PTPRD: variants seen among roughly 807,000 people sequenced by gnomAD.
PTPRD encodes the protein receptor-type tyrosine-protein phosphatase delta.
Under a neutral mutation model 214.5 loss-of-function variants are expected in PTPRD, and 34 were observed. The observed-to-expected ratio is 0.16, with a 90% confidence interval of 0.12 to 0.21. The LOEUF is 0.21. Among genes scored for constraint, PTPRD ranks in the 10% least tolerant of loss-of-function variants. The pLI is 1.00. For synonymous variants in PTPRD, 1,128 were observed against 845.7 expected (o/e 1.33, Z -5.79); for missense variants, 2,545 against 2,398.7 (o/e 1.06, Z -1.27).
chr9:9,322,581 G>C (rs1220452196), intron 9 of PTPRD, among the ~76,000 whole-genome samples: 1 of 152,144 alleles, frequency 6.6e-6, no homozygotes, highest in Non-Finnish European at 1.5e-5. Context: ...TTATACAGCA[G>C]CAAATGTCTA....
intron 14 of PTPRD, among the ~76,000 whole-genome samples, chr9:8,587,635 G>C (rs952257874): frequency 1.3e-5 from 2 of 152,136 alleles, no homozygotes; most frequent in African/African-American, 2.4e-5. Flanking sequence ...CAGACTAAAA[G>C]TTCTCTTATA....
chr9:8,598,822 A>G (rs1180977568), intron 14 of PTPRD, among the ~76,000 whole-genome samples: 1 of 152,210 alleles, frequency 6.6e-6, no homozygotes, highest in Non-Finnish European at 1.5e-5. Flanking sequence ...TTATCAATCT[A>G]TGAGCCAAGT....
intron 2 of PTPRD, among the ~76,000 whole-genome samples, chr9:10,421,486 C>G (rs2098545426): frequency 6.6e-6 from 1 of 151,836 alleles, no homozygotes; most frequent in Non-Finnish European, 1.5e-5. Context: ...TAACAACTAA[C>G]AAATATAATA....
intron 10 of PTPRD, among the ~76,000 whole-genome samples, chr9:9,181,400 C>G (rs1303818054): frequency 6.6e-6 from 1 of 151,784 alleles, no homozygotes; most frequent in Non-Finnish European, 1.5e-5. Flanking sequence ...AGAAGGTGAA[C>G]TGCTAAAATA....
At chr9:10,012,119 A>T (rs1307216183) in intron 4 of PTPRD, among the ~76,000 whole-genome samples, 1 of 151,982 alleles carries the variant, frequency 6.6e-6, no homozygotes. Context: ...GATTTTTAAT[A>T]TTTATTTAAT....
rs558770023 is a variant in PTPRD at position 9,358,438 on chromosome 9, A to G, written c.-203+39011T>C. Among the ~76,000 whole-genome samples the G allele has an allele frequency of 5.3e-5, 8 of 151,452 alleles. No individual in the cohort carries two copies. The Middle Eastern group carries it at 0.01, about 193-fold the overall frequency. On this transcript the variant is annotated intron_variant, in intron 9 of 45. Transcript: ENST00000381196. ...ATGTATATCTATAATACTTTAATAA[A>G]TATTCCTGGAAACATTTTAGCCTTG...
At chr9:10,508,555 A>C (rs1188887438) in intron 2 of PTPRD, among the ~76,000 whole-genome samples, 1 of 152,240 alleles carries the variant, frequency 6.6e-6, no homozygotes, top group Non-Finnish European at 1.5e-5. Flanking sequence ...CCAAATGGCC[A>C]TCAATAATAG....
intron 5 of PTPRD, among the ~76,000 whole-genome samples, chr9:9,785,028 A>C (rs1452865963): frequency 1.3e-5 from 2 of 151,668 alleles, no homozygotes; most frequent in Non-Finnish European, 2.9e-5. Context: ...GGAAAAAAAA[A>C]ACTCTAGTCC....
intron 10 of PTPRD, among the ~76,000 whole-genome samples, chr9:9,042,703 C>T (rs1554671515): frequency 6.8e-6 from 1 of 147,542 alleles, no homozygotes; most frequent in Non-Finnish European, 1.5e-5. Flanking sequence ...CCTCTGGTGG[C>T]AGACATAATC....
chr9:9,604,798 CAT>C (rs906891132), intron 7 of PTPRD, among the ~76,000 whole-genome samples: 2 of 151,826 alleles, frequency 1.3e-5, no homozygotes, highest in African/African-American at 2.4e-5. Context: ...TTTTAAATCA[CAT>C]GTTTTGCCAT....
At chr9:9,178,170 A>G (rs2099926058) in intron 10 of PTPRD, among the ~76,000 whole-genome samples, 1 of 152,014 alleles carries the variant, frequency 6.6e-6, no homozygotes, top group Non-Finnish European at 1.5e-5. Context: ...TAGTTTAATC[A>G]GAGTGTGGCT....
chr9:10,047,349 T>TGTGTGC (rs2097425187), intron 3 of PTPRD, among the ~76,000 whole-genome samples: 2 of 150,506 alleles, frequency 1.3e-5, no homozygotes, highest in African/African-American at 4.9e-5. Context: ...CGTGTGTGTG[T>TGTGTGC]GTGCTTGTGT....
At chr9:10,030,717 C>G (rs1002937385) in intron 4 of PTPRD, among the ~76,000 whole-genome samples, 26 of 151,858 alleles carry the variant, frequency 1.7e-4, no homozygotes, top group African/African-American at 6.3e-4. Context: ...TTGAGAAAAT[C>G]TTGGTTTTGA....
chr9:9,133,942 T>C (rs57991196), intron 10 of PTPRD, among the ~76,000 whole-genome samples: 182 of 152,088 alleles, frequency 1.2e-3, no homozygotes, highest in African/African-American at 4.3e-3. Context: ...TTCCATACTC[T>C]AATAGATCTC....
At chr9:8,951,528 G>A (rs2099102207) in intron 11 of PTPRD, among the ~76,000 whole-genome samples, 1 of 151,788 alleles carries the variant, frequency 6.6e-6, no homozygotes, top group Non-Finnish European at 1.5e-5. Flanking sequence ...TTGTTACCTA[G>A]TAGCTGTTTT....
intron 11 of PTPRD, among the ~76,000 whole-genome samples, chr9:8,977,665 ATTT>A (rs34223430): frequency 2.3e-4 from 32 of 141,598 alleles, no homozygotes; most frequent in Non-Finnish European, 3.2e-4. Flanking sequence ...AACAAGGAGA[ATTT>A]TTTTTTTTTT....
chr9:10,136,580 C>CAAGAA (rs1258110235), intron 3 of PTPRD, among the ~76,000 whole-genome samples: 4 of 86,346 alleles, frequency 4.6e-5, no homozygotes, highest in East Asian at 7.7e-4. Context: ...AACGTTAAAC[C>CAAGAA]TAAAACCATA....
intron 2 of PTPRD, among the ~76,000 whole-genome samples, chr9:10,395,985 G>A (rs1044232517): frequency 1.3e-5 from 2 of 151,338 alleles, no homozygotes; most frequent in Admixed American, 6.6e-5. Flanking sequence ...GAGAGACAGC[G>A]AGAGACACAG....
intron 10 of PTPRD, among the ~76,000 whole-genome samples, chr9:9,175,852 A>C (rs2099924498): frequency 6.6e-6 from 1 of 151,924 alleles, no homozygotes; most frequent in African/African-American, 2.4e-5. Context: ...ACTAGCAAAA[A>C]CTCATATTAT....
Sources: allele counts gnomAD v4.1 joint callset (sites outside exome capture counted in the v4.1 genomes callset), GRCh38; gene constraint gnomAD v4.1.1; transcripts MANE v1.5; gene names NCBI Gene and HGNC (gene_info 2026-07-23, HGNC 2026-07-21).